Variants in PDE10A observed in about 807,000 individuals in gnomAD.
PDE10A encodes the protein phosphodiesterase 10A.
Under a neutral mutation model 97.7 loss-of-function variants are expected in PDE10A, and 39 were observed. The ratio of observed to expected loss-of-function variants is 0.40; its 90% CI spans 0.31 to 0.52. PDE10A has a LOEUF of 0.52. Ranked by LOEUF, PDE10A falls within the 20% of genes least tolerant of loss-of-function variation. PDE10A has a pLI of 0.56. For missense variants in PDE10A, 731 were observed against 1,047.8 expected (o/e 0.70, Z 4.17); for synonymous variants, 371 against 376.8 (o/e 0.98, Z 0.18).
intron 1 of PDE10A, among the ~76,000 whole-genome samples, chr6:165,778,479 G>A (rs1778256226): frequency 6.6e-6 from 1 of 152,144 alleles, no homozygotes; most frequent in African/African-American, 2.4e-5. Flanking sequence ...TCTCTATAAT[G>A]ACTTCTGGGC....
chr6:165,880,693 C>T (rs1037390079), intron 1 of PDE10A, among the ~76,000 whole-genome samples: 1 of 152,152 alleles, frequency 6.6e-6, no homozygotes, highest in Non-Finnish European at 1.5e-5. Flanking sequence ...TGCTGTGATG[C>T]CATTTTTCTC....
chr6:165,417,269 T>C (rs1014243713), intron 11 of PDE10A, among the ~76,000 whole-genome samples: 4 of 152,174 alleles, frequency 2.6e-5, no homozygotes, highest in African/African-American at 9.7e-5. Context: ...ATAAACACAA[T>C]GAATTAGATT....
At chr6:165,652,109 T>TTA (rs1272890107) in intron 1 of PDE10A, among the ~76,000 whole-genome samples, 1 of 152,186 alleles carries the variant, frequency 6.6e-6, no homozygotes, top group Non-Finnish European at 1.5e-5. Context: ...AGAAGCAGAG[T>TTA]ATAGTCCTAA....
chr6:165,428,373 C>G (rs1056639096), intron 10 of PDE10A, among the ~76,000 whole-genome samples: 2 of 152,070 alleles, frequency 1.3e-5, no homozygotes, highest in African/African-American at 4.8e-5. Context: ...CCACATGTCC[C>G]ATATGTAAGA....
At position 165,418,380 on chromosome 6, in the gene PDE10A, A is replaced by G. The variant is rs901751771; in HGVS notation, c.1796+255T>C. Among the ~76,000 whole-genome samples, 1 of 152,170 alleles carries G rather than the reference A, an allele frequency of 6.6e-6. No individual in the cohort carries two copies. Among genetic ancestry groups the G allele is most frequent in the African/African-American group, 2.4e-5 (1 of 41,428 alleles). ...GGGAGCACTAGAAAGTTTTTCCAAC[A>G]TGATTTCCAAAAGGACCGCCTCCGG... On this transcript the variant is annotated intron_variant, in intron 11 of 21. Transcript: ENST00000539869. This position sits in a 1 kb window ranked among gnomAD's most constrained non-coding sequence, Gnocchi z 4.8.
At chr6:165,923,746 A>C (rs971402351) in intron 1 of PDE10A, among the ~76,000 whole-genome samples, 2 of 151,882 alleles carry the variant, frequency 1.3e-5, no homozygotes, top group African/African-American at 4.8e-5. Context: ...CCGAGTATAT[A>C]ACTATCACCA....
rs143398244 is a variant in PDE10A, at chr6:165,731,510, T to A, written c.-614-187942A>T. On this transcript the variant is annotated intron_variant, in intron 1 of 19. Transcript: ENST00000366882. ...ACGTTGGAGGAACGAGAGGTGCATCTGCGGCTGGAGCAGAATAGAAAGAGA... is the reference window on the plus strand; with the variant it reads ...ACGTTGGAGGAACGAGAGGTGCATCAGCGGCTGGAGCAGAATAGAAAGAGA... Among the ~76,000 whole-genome samples the A allele has an allele frequency of 5.3e-5, 8 of 152,282 alleles. No individual in the cohort carries two copies. In the East Asian group the frequency reaches 1.3e-3, roughly 26 times the overall value.
At chr6:165,770,773 G>A (rs1777984313) in intron 1 of PDE10A, among the ~76,000 whole-genome samples, 2 of 152,194 alleles carry the variant, frequency 1.3e-5, no homozygotes, top group Admixed American at 1.3e-4. Context: ...ACACAGGTGT[G>A]TCATTTCACT....
intron 2 of PDE10A, among the ~76,000 whole-genome samples, chr6:165,513,928 T>C (rs1022686247): frequency 3.3e-5 from 5 of 152,166 alleles, no homozygotes; most frequent in Non-Finnish European, 5.9e-5. Context: ...ATAAAAGATG[T>C]TGTGATTTGT....
chr6:165,677,719 C>T (rs900567690), intron 1 of PDE10A, among the ~76,000 whole-genome samples: 2 of 152,124 alleles, frequency 1.3e-5, no homozygotes, highest in Non-Finnish European at 2.9e-5. Flanking sequence ...AGCTCTACCC[C>T]ATGAGGGACA....
intron 1 of PDE10A, among the ~76,000 whole-genome samples, chr6:165,826,778 AG>A (rs146792973): frequency 0.35 from 23,930 of 68,246 alleles, 2,105 homozygotes; most frequent in Non-Finnish European, 0.38. Context: ...TGCGGTTGGG[AG>A]GGGGGACGCA....
chr6:165,723,944 C>T (rs1056525880), intron 1 of PDE10A, among the ~76,000 whole-genome samples: 7 of 151,942 alleles, frequency 4.6e-5, no homozygotes, highest in African/African-American at 1.7e-4. Context: ...AAGCTGATTT[C>T]ACTGAGAAGT....
chr6:165,385,160 A>G (rs545927321), intron 17 of PDE10A, among the ~76,000 whole-genome samples: 1 of 152,314 alleles, frequency 6.6e-6, no homozygotes, highest in South Asian at 2.1e-4. Context: ...GATGAAACAT[A>G]AAATCAGCAG....
chr6:165,986,375 G>C (rs1785210143), intron 1 of PDE10A: 1 of 153,154 alleles, frequency 6.5e-6, no homozygotes, highest in African/African-American at 2.4e-5. Flanking sequence ...AGAGATTGCT[G>C]CTTCAGGAGG....
chr6:165,965,175 G>A (rs1226595203), intron 1 of PDE10A, among the ~76,000 whole-genome samples: 4 of 152,222 alleles, frequency 2.6e-5, no homozygotes, highest in African/African-American at 9.6e-5. Flanking sequence ...GTGAGAGATG[G>A]TGAGGACTGG....
Position 165,415,266 on chromosome 6 carries a change from C to T in PDE10A, c.1889+923G>A, listed in dbSNP as rs112799019. Reference sequence around the variant, plus strand: ...GTACCCTTAATTTATTGACAATATACATTACTAGAATATTCCTATGTTTTT... The same window carrying T: ...GTACCCTTAATTTATTGACAATATATATTACTAGAATATTCCTATGTTTTT... On this transcript the variant is annotated intron_variant, in intron 12 of 21. Transcript: ENST00000539869. Among the ~76,000 whole-genome samples the T allele has an allele frequency of 8.8e-3, 1,343 of 152,210 alleles. 49 individuals are homozygous for T. The South Asian group carries it at 0.091, about 10-fold the overall frequency.
At chr6:165,773,187 C>A (rs139214282) in intron 1 of PDE10A, 3 of 152,172 alleles carry the variant, frequency 2.0e-5, no homozygotes, top group Non-Finnish European at 2.9e-5. Flanking sequence ...ATAATCATTT[C>A]TTGTTCTTGT....
At chr6:165,488,027 G>T (rs1780017018) in intron 2 of PDE10A, among the ~76,000 whole-genome samples, 1 of 87,906 alleles carries the variant, frequency 1.1e-5, no homozygotes, top group Non-Finnish European at 2.1e-5. Flanking sequence ...GGAACAAATT[G>T]GCAAAAAAAA....
At position 165,671,385 on chromosome 6, in the gene PDE10A, C is replaced by T. The variant is rs958440621; in HGVS notation, c.-614-127817G>A. The stretch of plus-strand genomic sequence containing the variant: ...GAGTGAGCATAACCCCTGAAGAGCC[C>T]GAATTCAGCCCAGGTGCCTCTGCCC... On this transcript the variant is annotated intron_variant, in intron 1 of 19. Transcript: ENST00000366882. The surrounding 1 kb of genome is among the most constrained non-coding windows in gnomAD (Gnocchi z 4.6). Among the ~76,000 whole-genome samples, 2 of 152,024 alleles carry T rather than the reference C, an allele frequency of 1.3e-5. No homozygotes were observed. The highest frequency in any genetic ancestry group is 4.8e-5 in the African/African-American group (2 of 41,366).
Sources: allele counts gnomAD v4.1 joint callset (sites outside exome capture counted in the v4.1 genomes callset), GRCh38; gene constraint gnomAD v4.1.1; non-coding constraint Gnocchi (gnomAD v3.1); transcripts MANE v1.5; gene names NCBI Gene and HGNC (gene_info 2026-07-23, HGNC 2026-07-21).